SLC25A26: variants seen among roughly 807,000 people sequenced by gnomAD.
SLC25A26 encodes solute carrier family 25 member 26.
In SLC25A26, 36 loss-of-function variants were observed where a neutral mutation model predicts 37.8. The ratio of observed to expected loss-of-function variants is 0.95; its 90% CI spans 0.73 to 1.26. The LOEUF (loss-of-function observed/expected upper bound fraction) is 1.26. SLC25A26 is among the 50% of genes most tolerant of loss of function. The pLI, the probability that SLC25A26 is intolerant of heterozygous loss-of-function variation, is 0.00. For synonymous variants in SLC25A26, 129 were observed against 122.5 expected, an observed-to-expected ratio of 1.05 and a Z score of -0.35; for missense variants, 390 against 331.1, an observed-to-expected ratio of 1.18 and a Z score of -1.38.
chr3:66,240,906 C>T (rs533389196), intron 2 of SLC25A26, among the ~76,000 whole-genome samples: 9 of 151,882 alleles, frequency 5.9e-5, no homozygotes, highest in East Asian at 1.9e-4. Flanking sequence ...CCACCACACC[C>T]GGCTAATTTT....
chr3:66,287,532 C>T (rs551573849), intron 5 of SLC25A26, among the ~76,000 whole-genome samples: 33 of 152,182 alleles, frequency 2.2e-4, no homozygotes, highest in African/African-American at 7.7e-4. Context: ...CTCAGTTCTT[C>T]CTCTTTTTTG....
chr3:66,224,104 A>G (rs1222486610), intron 1 of SLC25A26, among the ~76,000 whole-genome samples: 1 of 152,186 alleles, frequency 6.6e-6, no homozygotes, highest in East Asian at 1.9e-4. Flanking sequence ...AGAGAAAAAC[A>G]TTGCATGTAT....
At chr3:66,195,637 C>T (rs1033898689) in intron 1 of SLC25A26, among the ~76,000 whole-genome samples, 16 of 152,154 alleles carry the variant, frequency 1.1e-4, no homozygotes, top group African/African-American at 3.6e-4. Context: ...ACGCGCTCGG[C>T]GTCTCCATCT....
At chr3:66,226,796 G>C (rs138170904) in intron 1 of SLC25A26, among the ~76,000 whole-genome samples, 1 of 138,100 alleles carries the variant, frequency 7.2e-6, no homozygotes, top group African/African-American at 2.5e-5. Flanking sequence ...AATTTTTTTT[G>C]TAGAAAGAGG....
intron 1 of SLC25A26, among the ~76,000 whole-genome samples, chr3:66,192,146 T>A (rs1199690504): frequency 6.6e-6 from 1 of 151,652 alleles, no homozygotes; most frequent in Non-Finnish European, 1.5e-5. Flanking sequence ...TTAAACCCCA[T>A]CTCTACTAAA....
At chr3:66,318,918 G>A (rs2075616527) in intron 5 of SLC25A26, among the ~76,000 whole-genome samples, 1 of 152,036 alleles carries the variant, frequency 6.6e-6, no homozygotes, top group African/African-American at 2.4e-5. Flanking sequence ...CCAAAGTGCT[G>A]GGATTACAGA....
intron 1 of SLC25A26, among the ~76,000 whole-genome samples, chr3:66,148,215 C>T (rs1339352731): frequency 6.6e-6 from 1 of 152,076 alleles, no homozygotes; most frequent in East Asian, 1.9e-4. Context: ...CTATTCATTT[C>T]CTTTGCCCAC....
chr3:66,350,326 C>T (rs1322242915), intron 6 of SLC25A26, among the ~76,000 whole-genome samples: 1 of 152,182 alleles, frequency 6.6e-6, no homozygotes, highest in African/African-American at 2.4e-5. Flanking sequence ...TTCCTGCTGT[C>T]TCCCATTTCT....
intron 5 of SLC25A26, among the ~76,000 whole-genome samples, chr3:66,323,038 A>G (rs924292704): frequency 1.2e-4 from 18 of 147,478 alleles, no homozygotes; most frequent in African/African-American, 3.4e-4. Context: ...TCTATTGAAA[A>G]TGAGTCTTTT....
chr3:66,371,364 T>C, intron 9 of SLC25A26: 2 of 1,537,690 alleles, frequency 1.3e-6, no homozygotes, highest in Non-Finnish European at 1.8e-6. Context: ...TTTGTGTACC[T>C]TTGGCAGTTT....
At chr3:66,143,604 C>T (rs1054240430) in intron 1 of SLC25A26, among the ~76,000 whole-genome samples, 6 of 152,100 alleles carry the variant, frequency 3.9e-5, no homozygotes, top group African/African-American at 1.2e-4. Flanking sequence ...AAATTATTGG[C>T]TGGGAACAGT....
intron 5 of SLC25A26, among the ~76,000 whole-genome samples, chr3:66,283,438 AC>A (rs2074411051): frequency 6.6e-6 from 1 of 152,062 alleles, no homozygotes; most frequent in Non-Finnish European, 1.5e-5. Flanking sequence ...GTACCACCAT[AC>A]CTGGCTAATT....
At chr3:66,237,766 C>T (rs1341187857) in intron 2 of SLC25A26, among the ~76,000 whole-genome samples, 3 of 152,152 alleles carry the variant, frequency 2.0e-5, no homozygotes, top group Non-Finnish European at 4.4e-5. Flanking sequence ...AACAAAAAAT[C>T]ACCATATATA....
intron 1 of SLC25A26, among the ~76,000 whole-genome samples, chr3:66,212,249 C>CT (rs1466956675): frequency 6.6e-6 from 1 of 152,018 alleles, no homozygotes; most frequent in Non-Finnish European, 1.5e-5. Flanking sequence ...GGAGCTGGGA[C>CT]TACAGGTGCA....
At chr3:66,139,067 C>T (rs1257159421) in intron 1 of SLC25A26, among the ~76,000 whole-genome samples, 1 of 151,814 alleles carries the variant, frequency 6.6e-6, no homozygotes, top group Non-Finnish European at 1.5e-5. Flanking sequence ...TTTCCTCTGC[C>T]CCAGGAGAAT....
chr3:66,346,457 C>G (rs1403186054), intron 6 of SLC25A26, 49 bp downstream of exon 6: 4 of 1,016,400 alleles, frequency 3.9e-6, no homozygotes, highest in Non-Finnish European at 4.2e-6. Flanking sequence ...TATAACATAC[C>G]TAATAGTTTG....
intron 1 of SLC25A26, among the ~76,000 whole-genome samples, chr3:66,180,245 T>C (rs2070674593): frequency 6.6e-6 from 1 of 152,252 alleles, no homozygotes; most frequent in Non-Finnish European, 1.5e-5. Flanking sequence ...TATTTTCCTC[T>C]GAGGCTTTTT....
In SLC25A26 at chr3:66,303,046, C is replaced by G. The variant is rs543268510; in HGVS notation, c.453+39667C>G. Among the ~76,000 whole-genome samples the G allele has an allele frequency of 4.6e-5, 7 of 152,222 alleles. No individual in the cohort carries two copies. In the East Asian group the frequency reaches 1.3e-3, roughly 29 times the overall value. On this transcript the variant is annotated intron_variant, in intron 5 of 9. Transcript: ENST00000354883. ...TCTACCCACTAGATACCAGGAGCAC[C>G]TCCCGTGAGTAGTGACAATTTAAAT... is the stretch of plus-strand genomic sequence containing the variant.
At chr3:66,299,279 C>T (rs1469497962) in intron 5 of SLC25A26, among the ~76,000 whole-genome samples, 1 of 152,128 alleles carries the variant, frequency 6.6e-6, no homozygotes, top group Non-Finnish European at 1.5e-5. Context: ...GCAACCTCCG[C>T]CTCCTGGGTT....
Sources: gnomAD v4.1 joint callset for allele counts (sites outside exome capture counted in the v4.1 genomes callset) on GRCh38, gnomAD v4.1.1 for gene constraint, MANE v1.5 for transcripts, NCBI Gene and HGNC (gene_info 2026-07-23, HGNC 2026-07-21) for gene names.